The following SGCD variants were observed in gnomAD, a reference collection of about 807,000 sequenced individuals.
The protein encoded by SGCD is sarcoglycan delta.
Under a neutral mutation model 36.6 loss-of-function variants are expected in SGCD, and 18 were observed. That is an observed-to-expected ratio of 0.49 (90% CI 0.34 to 0.73). SGCD has a LOEUF of 0.73. SGCD is among the 30% of genes least tolerant of loss of function. The pLI, the probability that SGCD is intolerant of heterozygous loss-of-function variation, is 0.01. For synonymous variants in SGCD, 133 were observed against 130.6 expected (o/e 1.02, Z -0.12); for missense variants, 387 against 346.7 (o/e 1.12, Z -0.92).
chr5:156,447,699 C>T (rs925786023), intron 3 of SGCD, among the ~76,000 whole-genome samples: 15 of 152,134 alleles, frequency 9.9e-5, no homozygotes, highest in South Asian at 2.1e-4. Flanking sequence ...AGCTAATGCA[C>T]GCAGGGCTTA....
chr5:156,000,329 C>T (rs972562444), intron 1 of SGCD, among the ~76,000 whole-genome samples: 2 of 152,114 alleles, frequency 1.3e-5, no homozygotes, highest in Admixed American at 1.3e-4. Context: ...TTTGGGCAGG[C>T]AGTTCTGATG....
At position 156,701,705 on chromosome 5, in the gene SGCD, A is replaced by C. The variant is rs144902879; in HGVS notation, c.575+54169A>C. Among the ~76,000 whole-genome samples the C allele has an allele frequency of 7.6e-4, 115 of 152,306 alleles. No homozygotes were observed. In the East Asian group the frequency reaches 0.02, roughly 26 times the overall value. On this transcript the variant is annotated intron_variant, in intron 7 of 8. Coordinates refer to ENST00000337851, the MANE Select transcript of SGCD (RefSeq NM_000337.6). ...TAACAAGAGACTCACCTAGATTTTC[A>C]TTTTACAAGGGTGTTTTGATAATAT...
At chr5:156,132,605 A>C (rs990927062) in intron 3 of SGCD, among the ~76,000 whole-genome samples, 68 of 150,286 alleles carry the variant, frequency 4.5e-4, no homozygotes, top group African/African-American at 1.6e-3. Flanking sequence ...AGTAGCTGGG[A>C]TTACAGGCGC....
intron 3 of SGCD, among the ~76,000 whole-genome samples, chr5:156,172,017 T>C (rs1393906027): frequency 6.6e-6 from 1 of 152,156 alleles, no homozygotes; most frequent in Non-Finnish European, 1.5e-5. Context: ...TCGTGGTGGC[T>C]CACACCTGTA....
chr5:155,811,311 T>C, the SGCD span, among the ~76,000 whole-genome samples: 71 of 152,284 alleles, frequency 4.7e-4, no homozygotes, highest in Admixed American at 1.6e-3. Context: ...CAACAAATTG[T>C]GGGCTTTTGA....
At chr5:155,777,839 C>T in the SGCD span, among the ~76,000 whole-genome samples, 2 of 151,942 alleles carry the variant, frequency 1.3e-5, no homozygotes, top group African/African-American at 4.8e-5. Flanking sequence ...CAACAATGTT[C>T]CCATTTCTTC....
At chr5:156,358,608 A>G (rs1769611131) in intron 3 of SGCD, among the ~76,000 whole-genome samples, 1 of 152,194 alleles carries the variant, frequency 6.6e-6, no homozygotes, top group African/African-American at 2.4e-5. Context: ...TTCCTCCCTC[A>G]TGGAGCTATC....
chr5:156,184,311 A>G (rs1763680709), intron 3 of SGCD, among the ~76,000 whole-genome samples: 1 of 152,152 alleles, frequency 6.6e-6, no homozygotes, highest in South Asian at 2.1e-4. Flanking sequence ...AGCCACAACT[A>G]AAAGAACTGA....
chr5:156,170,984 A>G (rs2127622100), intron 3 of SGCD, among the ~76,000 whole-genome samples: 1 of 152,354 alleles, frequency 6.6e-6, no homozygotes, highest in African/African-American at 2.4e-5. Flanking sequence ...TCTCCAAGCC[A>G]GGGAATAACC....
chr5:156,680,542 T>A lies in SGCD; in HGVS notation c.575+33006T>A, dbSNP rs1290676287. On this transcript the variant is annotated intron_variant, in intron 7 of 8. Transcript: ENST00000337851. ...CTGGGTTTTGGAAGGCTTGTCAGAATTTTTAGAGTCCTGTATTTCATCCAC... is the reference window on the plus strand; with the variant it reads ...CTGGGTTTTGGAAGGCTTGTCAGAAATTTTAGAGTCCTGTATTTCATCCAC... 2.6e-5 allele frequency among the ~76,000 whole-genome samples: 4 copies of A among 152,312 alleles called. No homozygotes were observed. The East Asian group carries it at 7.7e-4, about 29-fold the overall frequency.
chr5:156,059,855 C>A (rs1760158478), intron 1 of SGCD, among the ~76,000 whole-genome samples: 1 of 146,648 alleles, frequency 6.8e-6, no homozygotes, highest in Admixed American at 6.8e-5. Context: ...AACTATTTCC[C>A]AGTTTGCTGA....
chr5:156,348,429 GT>G (rs929566837), intron 3 of SGCD, among the ~76,000 whole-genome samples: 9 of 152,082 alleles, frequency 5.9e-5, no homozygotes, highest in African/African-American at 1.9e-4. Context: ...CAAAATCAAT[GT>G]ACACAAATGA....
chr5:156,613,138 A>G (rs2113468940), intron 6 of SGCD, among the ~76,000 whole-genome samples: 1 of 152,098 alleles, frequency 6.6e-6, no homozygotes, highest in East Asian at 1.9e-4. Context: ...TGCCCTAGTG[A>G]TCTCCATTGT....
the SGCD span, among the ~76,000 whole-genome samples, chr5:155,743,838 C>A: frequency 6.6e-6 from 1 of 152,150 alleles, no homozygotes; most frequent in Non-Finnish European, 1.5e-5. Context: ...TATATTGCTG[C>A]GTCTAAGAAT....
intron 6 of SGCD, among the ~76,000 whole-genome samples, chr5:156,598,990 T>C (rs981376886): frequency 1.3e-5 from 2 of 152,228 alleles, no homozygotes; most frequent in Non-Finnish European, 2.9e-5. Flanking sequence ...TGCTTTTTTA[T>C]GTGAAATGTA....
intron 3 of SGCD, among the ~76,000 whole-genome samples, chr5:156,319,665 G>C (rs1767606893): frequency 6.6e-6 from 1 of 152,134 alleles, no homozygotes; most frequent in Non-Finnish European, 1.5e-5. Context: ...CACAATCTTT[G>C]CCCTACGAGG....
the SGCD span, among the ~76,000 whole-genome samples, chr5:155,859,972 G>A: frequency 7.9e-3 from 1,196 of 152,258 alleles, 9 homozygotes; most frequent in South Asian, 0.018. Context: ...ACATTTCCCC[G>A]AAAATTTGCA....
chr5:155,819,921 G>C, the SGCD span, among the ~76,000 whole-genome samples: 77 of 152,130 alleles, frequency 5.1e-4, no homozygotes, highest in Non-Finnish European at 1.6e-4. Context: ...AACAATATTA[G>C]CCTCTCCCTT....
At chr5:155,965,426 G>A (rs184584294) in intron 1 of SGCD, among the ~76,000 whole-genome samples, 4 of 152,194 alleles carry the variant, frequency 2.6e-5, no homozygotes. Flanking sequence ...CCTGCCTGCA[G>A]CCTTAAAAAA....
Sources: gnomAD v4.1 joint callset for allele counts (sites outside exome capture counted in the v4.1 genomes callset) on GRCh38, gnomAD v4.1.1 for gene constraint, MANE v1.5 for transcripts, NCBI Gene and HGNC (gene_info 2026-07-23, HGNC 2026-07-21) for gene names.